Variants in RNF150 observed in about 807,000 individuals in gnomAD.
The protein encoded by RNF150 is ring finger protein 150.
A neutral mutation model predicts 39.3 loss-of-function variants in RNF150; 24 were observed. That is an observed-to-expected ratio of 0.61 (90% CI 0.44 to 0.86). The LOEUF (loss-of-function observed/expected upper bound fraction) is 0.86. Ranked by LOEUF, RNF150 falls within the 40% of genes least tolerant of loss-of-function variation. The pLI, the probability that RNF150 is intolerant of heterozygous loss-of-function variation, is 0.00. For missense variants in RNF150, 502 were observed against 587.8 expected (o/e 0.85, Z 1.51); for synonymous variants, 255 against 227.3 (o/e 1.12, Z -1.10).
intron 6 of RNF150, among the ~76,000 whole-genome samples, chr4:140,898,077 A>G (rs1218982268): frequency 6.6e-6 from 1 of 152,202 alleles, no homozygotes; most frequent in Non-Finnish European, 1.5e-5. Context: ...ATGCCCCACC[A>G]GATGAAGAGA....
At chr4:140,898,042 C>T (rs1445026486) in intron 6 of RNF150, among the ~76,000 whole-genome samples, 1 of 152,104 alleles carries the variant, frequency 6.6e-6, no homozygotes, top group African/African-American at 2.4e-5. Flanking sequence ...CTTACAGTGC[C>T]TTTACTATCT....
chr4:140,914,745 T>C (rs1246042085), intron 5 of RNF150, among the ~76,000 whole-genome samples: 1 of 152,188 alleles, frequency 6.6e-6, no homozygotes, highest in East Asian at 1.9e-4. Flanking sequence ...TCCCCACTAT[T>C]TGCATTCAGT....
intron 6 of RNF150, among the ~76,000 whole-genome samples, chr4:140,871,574 A>G (rs1431281973): frequency 6.6e-6 from 1 of 152,154 alleles, no homozygotes; most frequent in Non-Finnish European, 1.5e-5. Context: ...TCAGCTCACA[A>G]TTAAACTGGA....
intron 1 of RNF150, among the ~76,000 whole-genome samples, chr4:141,108,066 T>A (rs1279960927): frequency 1.3e-5 from 2 of 152,216 alleles, no homozygotes; most frequent in African/African-American, 4.8e-5. Flanking sequence ...TCTCCTACAG[T>A]GGAGATGTCG....
At chr4:141,208,196 C>G (rs1470915930) in intron 1 of RNF150, among the ~76,000 whole-genome samples, 2 of 152,218 alleles carry the variant, frequency 1.3e-5, no homozygotes, top group Non-Finnish European at 2.9e-5. Context: ...CTTTCCAAAT[C>G]TCATGTGACT....
intron 1 of RNF150, among the ~76,000 whole-genome samples, chr4:141,078,776 C>A (rs1250010629): frequency 3.8e-5 from 4 of 104,550 alleles, no homozygotes; most frequent in Admixed American, 1.4e-4. Flanking sequence ...GGCGACAGAG[C>A]GAAACTCCGT....
intron 5 of RNF150, among the ~76,000 whole-genome samples, chr4:140,921,602 T>A (rs1731151506): frequency 6.6e-6 from 1 of 152,136 alleles, no homozygotes; most frequent in Non-Finnish European, 1.5e-5. Flanking sequence ...GAGGGAACCC[T>A]CCCTAACTCA....
At chr4:141,031,935 A>G (rs536888747) in intron 1 of RNF150, among the ~76,000 whole-genome samples, 1 of 152,030 alleles carries the variant, frequency 6.6e-6, no homozygotes, top group Non-Finnish European at 1.5e-5. Context: ...TCCCTGTAAT[A>G]TTATTCACAA....
intron 1 of RNF150, among the ~76,000 whole-genome samples, chr4:141,124,872 T>C (rs775572593): frequency 6.6e-6 from 1 of 152,224 alleles, no homozygotes; most frequent in Non-Finnish European, 1.5e-5. Context: ...CAGAATTATT[T>C]CTAAAATATT....
At chr4:141,134,538 C>T (rs536770231), upstream of RNF150, among the ~76,000 whole-genome samples, 11 of 152,264 alleles carry the variant, frequency 7.2e-5, no homozygotes, top group East Asian at 1.9e-3. Context: ...GAACGTCCAC[C>T]AGTACAACTT....
At chr4:141,154,205 A>G (rs1020696205) in intron 1 of RNF150, among the ~76,000 whole-genome samples, 1 of 152,206 alleles carries the variant, frequency 6.6e-6, no homozygotes, top group African/African-American at 2.4e-5. Flanking sequence ...TAGTTGACAT[A>G]AAGCAGAAAG....
chr4:141,166,542 A>G (rs1242781659), intron 1 of RNF150, among the ~76,000 whole-genome samples: 1 of 152,254 alleles, frequency 6.6e-6, no homozygotes, highest in Non-Finnish European at 1.5e-5. Flanking sequence ...AAAAATCCTC[A>G]GTAAAATACT....
At chr4:141,027,080 C>T (rs570816123) in intron 1 of RNF150, among the ~76,000 whole-genome samples, 15 of 152,264 alleles carry the variant, frequency 9.9e-5, no homozygotes, top group African/African-American at 3.4e-4. Flanking sequence ...TAAATACAGG[C>T]ACAGCCAACT....
chr4:141,157,215 T>G (rs1209196325), intron 1 of RNF150, among the ~76,000 whole-genome samples: 1 of 150,852 alleles, frequency 6.6e-6, no homozygotes, highest in African/African-American at 2.4e-5. Flanking sequence ...GCACAATATC[T>G]CCCCCCCCAA....
chr4:140,949,712 C>T (rs1286802584), intron 2 of RNF150, among the ~76,000 whole-genome samples: 1 of 151,668 alleles, frequency 6.6e-6, no homozygotes, highest in Non-Finnish European at 1.5e-5. Context: ...TAATTTGCCA[C>T]TCTAGCCACT....
intron 1 of RNF150, among the ~76,000 whole-genome samples, chr4:141,130,890 G>C (rs1226501626): frequency 6.6e-6 from 1 of 152,172 alleles, no homozygotes; most frequent in African/African-American, 2.4e-5. Context: ...TTAGAAAACT[G>C]TCGAGCTCAA....
intron 1 of RNF150, among the ~76,000 whole-genome samples, chr4:141,198,203 T>C (rs1728236383): frequency 6.6e-6 from 1 of 151,930 alleles, no homozygotes; most frequent in Non-Finnish European, 1.5e-5. Flanking sequence ...TTTTTTGTAT[T>C]TTTAGTAGAG....
At chr4:141,037,103 G>A (rs961077368) in intron 1 of RNF150, among the ~76,000 whole-genome samples, 50 of 152,066 alleles carry the variant, frequency 3.3e-4, no homozygotes, top group Admixed American at 4.6e-4. Flanking sequence ...ACACATGATC[G>A]TAGATTGTAG....
chr4:141,057,790 A>T (rs1026903535), intron 1 of RNF150, among the ~76,000 whole-genome samples: 3 of 151,912 alleles, frequency 2.0e-5, no homozygotes, highest in Non-Finnish European at 4.4e-5. Context: ...AGAGACCAAC[A>T]CCCTACTGTT....
Sources: allele counts gnomAD v4.1 joint callset (sites outside exome capture counted in the v4.1 genomes callset), GRCh38; gene constraint gnomAD v4.1.1; transcripts MANE v1.5; gene names NCBI Gene and HGNC (gene_info 2026-07-23, HGNC 2026-07-21).